The following KIF24 variants were observed in gnomAD, a reference collection of about 807,000 sequenced individuals.
KIF24 encodes kinesin family member 24.
KIF24 carries 81 observed loss-of-function variants against 118.9 expected under a neutral mutation model. The ratio of observed to expected loss-of-function variants is 0.68; its 90% CI spans 0.57 to 0.82. KIF24 has a LOEUF of 0.82. Among genes scored for constraint, KIF24 ranks in the 40% least tolerant of loss-of-function variants. The pLI is 0.00. For synonymous variants in KIF24, 599 were observed against 610.0 expected, an observed-to-expected ratio of 0.98 and a Z score of 0.27; for missense variants, 1,560 against 1,661.6, an observed-to-expected ratio of 0.94 and a Z score of 1.06.
chr9:34,311,765 T>C (rs76850105), intron 1 of KIF24, among the ~76,000 whole-genome samples: 17 of 145,120 alleles, frequency 1.2e-4, no homozygotes, highest in African/African-American at 2.5e-4. Context: ...TGTGTATATA[T>C]ACATATATAT....
Position 34,279,126 on chromosome 9 carries a change from T to C in KIF24, c.1216-7196A>G, listed in dbSNP as rs147990296. Among the ~76,000 whole-genome samples, 99 of 152,172 alleles carry C rather than the reference T, an allele frequency of 6.5e-4. 1 individual carries two copies. Among genetic ancestry groups the C allele is most frequent in the Admixed American group, 1.4e-3 (22 of 15,282 alleles). Reference sequence around the variant, plus strand: ...CTCAAAAAAACAAAACGAAAAACTGTGGTGGTGCTGGGAAACATCATTCAG... The same window carrying C: ...CTCAAAAAAACAAAACGAAAAACTGCGGTGGTGCTGGGAAACATCATTCAG... On this transcript the variant is annotated intron_variant, in intron 6 of 12. Coordinates refer to ENST00000402558, the MANE Select transcript of KIF24 (RefSeq NM_194313.4).
intron 1 of KIF24, among the ~76,000 whole-genome samples, chr9:34,314,569 C>T (rs1837277407): frequency 6.6e-6 from 1 of 152,180 alleles, no homozygotes; most frequent in Non-Finnish European, 1.5e-5. Flanking sequence ...GAAAGGCAGA[C>T]ATAACAACTT....
intron 2 of KIF24, among the ~76,000 whole-genome samples, chr9:34,307,037 A>G (rs1836952150): frequency 6.6e-6 from 1 of 152,114 alleles, no homozygotes; most frequent in Non-Finnish European, 1.5e-5. Context: ...TTTCATATCA[A>G]TTCTGATTTC....
At chr9:34,272,035 G>C in intron 6 of KIF24, 105 bp from the exon 7 acceptor site, 1 of 991,532 alleles carries the variant, frequency 1.0e-6, no homozygotes, top group Non-Finnish European at 1.4e-6. Context: ...AATTGTGTCA[G>C]TGCACTGCAG....
chr9:34,301,373 G>A (rs1025225244), intron 3 of KIF24, among the ~76,000 whole-genome samples: 1 of 151,880 alleles, frequency 6.6e-6, no homozygotes, highest in Non-Finnish European at 1.5e-5. Flanking sequence ...TCAGCCTCCC[G>A]AGTAGCTGGG....
At chr9:34,323,637 G>C (rs1412676902) in intron 1 of KIF24, among the ~76,000 whole-genome samples, 3 of 152,126 alleles carry the variant, frequency 2.0e-5, no homozygotes, top group Non-Finnish European at 2.9e-5. Context: ...TGTTCAATCA[G>C]AAAAATAACT....
rs771869569 is a variant in KIF24, at chr9:34,263,098, T to C, written c.1515+3A>G. ...CAAACTCAAGGCTCACATTTAACTT[T>C]ACCTGAGTTAGTTTGCTTTGCCTGA... On this transcript the variant is annotated splice_donor_region_variant and intron_variant, in intron 9 of 12. Coordinates refer to ENST00000402558, the MANE Select transcript of KIF24 (RefSeq NM_194313.4). The C allele has an allele frequency of 2.5e-6, 4 of 1,608,790 alleles. No individual in the cohort carries two copies. The highest frequency in any genetic ancestry group is 1.3e-5 in the African/African-American group (1 of 74,944).
At chr9:34,302,443 A>T (rs1298990817) in intron 3 of KIF24, among the ~76,000 whole-genome samples, 1 of 148,556 alleles carries the variant, frequency 6.7e-6, no homozygotes, top group African/African-American at 2.5e-5. Flanking sequence ...AGCTGAAACT[A>T]CAGGTACATG....
intron 4 of KIF24, among the ~76,000 whole-genome samples, chr9:34,292,041 A>G (rs1429806952): frequency 3.3e-5 from 5 of 152,160 alleles, no homozygotes; most frequent in African/African-American, 1.2e-4. Flanking sequence ...GGCAATGTCA[A>G]TTGATAGCTT....
intron 12 of KIF24, among the ~76,000 whole-genome samples, chr9:34,254,752 C>T (rs1427827787): frequency 1.3e-5 from 2 of 152,062 alleles, no homozygotes; most frequent in Admixed American, 6.6e-5. Context: ...GGTAGAAATA[C>T]CTACGTGTGG....
At chr9:34,276,284 C>T (rs1835656918) in intron 6 of KIF24, among the ~76,000 whole-genome samples, 1 of 151,882 alleles carries the variant, frequency 6.6e-6, no homozygotes. Flanking sequence ...CACCTGTAAT[C>T]CCAGCTACTC....
At chr9:34,330,136 G>A (rs1387254580), upstream of KIF24, among the ~76,000 whole-genome samples, 1 of 152,246 alleles carries the variant, frequency 6.6e-6, no homozygotes, top group African/African-American at 2.4e-5. Flanking sequence ...GGGTGCGGTG[G>A]CTCACGCCTG....
intron 6 of KIF24, among the ~76,000 whole-genome samples, chr9:34,282,008 T>C (rs1835866726): frequency 6.6e-6 from 1 of 152,134 alleles, no homozygotes; most frequent in Non-Finnish European, 1.5e-5. Flanking sequence ...AAAAAAAGTA[T>C]GGCCCAGCGA....
intron 6 of KIF24, among the ~76,000 whole-genome samples, chr9:34,276,679 G>A (rs1053631520): frequency 2.0e-5 from 3 of 152,104 alleles, no homozygotes; most frequent in African/African-American, 7.2e-5. Context: ...TCAAAATTCA[G>A]AATCATACTT....
In KIF24 at chr9:34,257,476, G is replaced by A; in HGVS notation, c.2131C>T (p.Pro711Ser). 6.2e-7 allele frequency: 1 copy of A among 1,614,040 alleles called. No homozygotes were observed. The highest frequency in any genetic ancestry group is 8.5e-7 in the Non-Finnish European group (1 of 1,179,906). Residue 711 changes from proline (P) to serine (S), a missense_variant, in exon 11 of 13, where the codon CCA (proline) becomes TCA (serine). Coordinates refer to ENST00000402558, the MANE Select transcript of KIF24 (RefSeq NM_194313.4). ...CGAGACACAAGCTGCTTCTGTACTG[G>A]CTGCACTGTCTGCACTTTCTTGCAC... ...TKCKKVQTVQ[P>S]VQKQLVSRVE...
chr9:34,296,258 G>T (rs1288094832), intron 4 of KIF24, among the ~76,000 whole-genome samples: 1 of 146,022 alleles, frequency 6.8e-6, no homozygotes, highest in Non-Finnish European at 1.5e-5. Context: ...CGGGCGTGGT[G>T]GCTCACGCCT....
chr9:34,277,840 A>ATGTTG (rs1835711421), intron 6 of KIF24, among the ~76,000 whole-genome samples: 1 of 152,232 alleles, frequency 6.6e-6, no homozygotes, highest in Non-Finnish European at 1.5e-5. Flanking sequence ...TTTGTAAATG[A>ATGTTG]CATACACAAC....
chr9:34,259,059 C>A (rs930328719), intron 10 of KIF24, among the ~76,000 whole-genome samples: 1 of 152,130 alleles, frequency 6.6e-6, no homozygotes, highest in Non-Finnish European at 1.5e-5. Context: ...CACAAAGAGG[C>A]CTGGCCAGGC....
At chr9:34,262,712 A>ATATATATATATATTTG (rs1278590736) in intron 9 of KIF24, among the ~76,000 whole-genome samples, 1 of 50,266 alleles carries the variant, frequency 2.0e-5, no homozygotes, top group African/African-American at 7.7e-5. Context: ...ATATATATAT[A>ATATATATATATATTTG]TGGCCAGGCA....
Sources: gnomAD v4.1 joint callset for allele counts (sites outside exome capture counted in the v4.1 genomes callset) on GRCh38, gnomAD v4.1.1 for gene constraint, MANE v1.5 for transcripts, NCBI Gene and HGNC (gene_info 2026-07-23, HGNC 2026-07-21) for gene names.